The following SOX5 variants were observed in gnomAD, a reference collection of about 807,000 sequenced individuals.
SOX5 encodes the protein SRY-box transcription factor 5, also known as transcription factor SOX-5.
Under a neutral mutation model 92.0 loss-of-function variants are expected in SOX5, and 9 were observed. The ratio of observed to expected loss-of-function variants is 0.10; its 90% CI spans 0.06 to 0.17. The LOEUF (loss-of-function observed/expected upper bound fraction) is 0.17, where lower values mean the gene tolerates loss of function less well. Among genes scored for constraint, SOX5 ranks in the 10% least tolerant of loss-of-function variants. The pLI, the probability that SOX5 is intolerant of heterozygous loss-of-function variation, is 1.00. For synonymous variants in SOX5, 344 were observed against 336.3 expected, an observed-to-expected ratio of 1.02 and a Z score of -0.25; for missense variants, 642 against 944.5, an observed-to-expected ratio of 0.68 and a Z score of 4.20.
rs1000104866 is a variant in SOX5 at position 23,845,973 on chromosome 12, C to T, written c.481+10G>A. The T allele has an allele frequency of 4.4e-6, 7 of 1,608,936 alleles. No homozygotes were observed. The African/African-American group carries it at 5.3e-5, about 12-fold the overall frequency. ...ACAGCATCAACTTTGTTTTCTCTTC[C>T]AGCCTTTACCTTCCGGCTCGTTTTT... On this transcript the variant is annotated intron_variant, in intron 3 of 14. Coordinates refer to ENST00000451604, the MANE Select transcript of SOX5 (RefSeq NM_006940.6).
chr12:23,989,116 G>A (rs1412925705), intron 4 of SOX5, among the ~76,000 whole-genome samples: 1 of 149,746 alleles, frequency 6.7e-6, no homozygotes, highest in East Asian at 2.0e-4. Flanking sequence ...GCTCATGTCT[G>A]TAATCCCAGC....
At chr12:23,936,303 G>A (rs1271262465) in intron 1 of SOX5, among the ~76,000 whole-genome samples, 1 of 150,706 alleles carries the variant, frequency 6.6e-6, no homozygotes, top group African/African-American at 2.4e-5. Context: ...ACATATAGTG[G>A]CATTTCAAAA....
At chr12:24,186,025 A>G (rs577859850) in intron 4 of SOX5, among the ~76,000 whole-genome samples, 1 of 152,272 alleles carries the variant, frequency 6.6e-6, no homozygotes, top group South Asian at 2.1e-4. Context: ...GACAACAACC[A>G]CAGGTTACTG....
chr12:23,702,133 T>A (rs1255390392), intron 6 of SOX5, among the ~76,000 whole-genome samples: 1 of 152,092 alleles, frequency 6.6e-6, no homozygotes. Context: ...AGCGTAATAA[T>A]ATATGTCTCT....
Position 24,294,076 on chromosome 12 carries a change from G to A in SOX5, c.-173-16764C>T, listed in dbSNP as rs527693146. The stretch of plus-strand genomic sequence containing the variant: ...TGCTGCAAAAGCATCAGAAATACAT[G>A]TGTTCGTAAGTGCAGATTCAAAATG... On this transcript the variant is annotated intron_variant, in intron 2 of 4. Coordinates refer to the SOX5 transcript ENST00000446891. Among the ~76,000 whole-genome samples the A allele has an allele frequency of 3.3e-5, 5 of 152,310 alleles. No individual in the cohort carries two copies. In the South Asian group the frequency reaches 1.0e-3, roughly 32 times the overall value.
chr12:24,080,203 T>C (rs1256743820), intron 4 of SOX5, among the ~76,000 whole-genome samples: 1 of 151,930 alleles, frequency 6.6e-6, no homozygotes, highest in Non-Finnish European at 1.5e-5. Flanking sequence ...TATCTTGAAC[T>C]GAAAAGAATG....
At chr12:24,378,023 T>C (rs1041688439) in intron 1 of SOX5, among the ~76,000 whole-genome samples, 2 of 152,174 alleles carry the variant, frequency 1.3e-5, no homozygotes, top group Admixed American at 6.5e-5. Flanking sequence ...AAGCACACCA[T>C]GGAAACAACA....
At chr12:23,741,061 A>C in intron 4 of SOX5, 22 bp from the exon 5 acceptor site, 1 of 1,532,836 alleles carries the variant, frequency 6.5e-7, no homozygotes. Flanking sequence ...ATAGCAATAA[A>C]ACAGACAAAA....
upstream of SOX5, among the ~76,000 whole-genome samples, chr12:23,953,157 T>C (rs1002438831): frequency 1.1e-4 from 16 of 152,174 alleles, no homozygotes; most frequent in African/African-American, 3.9e-4. Flanking sequence ...TTAGCATTTC[T>C]GTCAGACTTT....
intron 6 of SOX5, among the ~76,000 whole-genome samples, chr12:23,694,767 G>GA (rs148378093): frequency 0.029 from 4,485 of 152,034 alleles, 225 homozygotes; most frequent in African/African-American, 0.1. Flanking sequence ...AAGGCAAATG[G>GA]AAAAATATCG....
intron 1 of SOX5, among the ~76,000 whole-genome samples, chr12:24,537,838 T>C (rs1345432401): frequency 6.6e-6 from 1 of 152,256 alleles, no homozygotes; most frequent in Non-Finnish European, 1.5e-5. Context: ...CCTGGGAAGT[T>C]GCTTTTGCCA....
intron 4 of SOX5, among the ~76,000 whole-genome samples, chr12:23,960,309 CTT>C (rs1299596454): frequency 1.3e-5 from 2 of 151,786 alleles, no homozygotes; most frequent in East Asian, 1.9e-4. Flanking sequence ...AAGTGGCACT[CTT>C]ATATATTACT....
intron 1 of SOX5, among the ~76,000 whole-genome samples, chr12:24,458,029 G>A (rs1226135252): frequency 1.4e-5 from 2 of 140,942 alleles, no homozygotes; most frequent in Non-Finnish European, 3.2e-5. Context: ...ATGAATTGCA[G>A]GTAAACTATT....
chr12:24,560,579 A>C (rs1267637186), intron 1 of SOX5, among the ~76,000 whole-genome samples: 1 of 152,224 alleles, frequency 6.6e-6, no homozygotes, highest in African/African-American at 2.4e-5. Context: ...ACTTTGTTCC[A>C]TGTATCTGCA....
At chr12:24,360,996 T>C (rs1955491945) in intron 2 of SOX5, among the ~76,000 whole-genome samples, 1 of 152,186 alleles carries the variant, frequency 6.6e-6, no homozygotes, top group South Asian at 2.1e-4. Flanking sequence ...TGAAAGACGC[T>C]GATGACACAC....
At chr12:23,598,159 G>A (rs1397420486) in intron 9 of SOX5, among the ~76,000 whole-genome samples, 1 of 152,130 alleles carries the variant, frequency 6.6e-6, no homozygotes, top group African/African-American at 2.4e-5. Context: ...CTCAGAGTAA[G>A]TCAAATAGTA....
At chr12:24,405,659 C>T (rs1962765983) in intron 1 of SOX5, among the ~76,000 whole-genome samples, 1 of 152,202 alleles carries the variant, frequency 6.6e-6, no homozygotes, top group African/African-American at 2.4e-5. Flanking sequence ...TCCCCTGCCA[C>T]CCTGATCCCA....
intron 3 of SOX5, among the ~76,000 whole-genome samples, chr12:23,792,822 C>A (rs150082365): frequency 5.9e-5 from 9 of 151,984 alleles, no homozygotes; most frequent in Non-Finnish European, 1.2e-4. Context: ...CTTACTTTTG[C>A]TTTCTTTTCA....
chr12:24,373,205 G>C (rs1956922198), intron 1 of SOX5, among the ~76,000 whole-genome samples: 1 of 152,082 alleles, frequency 6.6e-6, no homozygotes. Flanking sequence ...CATTGAAAAG[G>C]AATCTCTTCC....
Sources: gnomAD v4.1 joint callset for allele counts (sites outside exome capture counted in the v4.1 genomes callset) on GRCh38, gnomAD v4.1.1 for gene constraint, MANE v1.5 for transcripts, NCBI Gene and HGNC (gene_info 2026-07-23, HGNC 2026-07-21) for gene names.